KAT2B: variants seen among roughly 807,000 people sequenced by gnomAD.
The protein encoded by KAT2B is lysine acetyltransferase 2B, also known as histone acetyltransferase KAT2B.
KAT2B carries 36 observed loss-of-function variants against 105.9 expected under a neutral mutation model. That is an observed-to-expected ratio of 0.34 (90% CI 0.26 to 0.45). The LOEUF is 0.45. Among genes scored for constraint, KAT2B ranks in the 20% least tolerant of loss-of-function variants. KAT2B has a pLI of 1.00. For synonymous variants in KAT2B, 397 were observed against 377.9 expected (o/e 1.05, Z -0.59); for missense variants, 820 against 1,021.6 (o/e 0.80, Z 2.69).
rs771208264 is a variant in KAT2B at position 20,040,642 on chromosome 3, G to C, written c.165G>C (p.Ala55=). ...AAGGSGACGP[A]TAVAAAGTAE... ...GGGGCTCGGGCGCCTGCGGTCCGGC[G>C]ACGGCAGTGGCTGCAGCGGGCACGG... Residue 55 remains alanine (A), a synonymous_variant, in exon 1 of 18, where the codon GCG becomes GCC. Transcript: ENST00000263754. 7.6e-6 allele frequency: 11 copies of C among 1,439,744 alleles called. No homozygotes were observed. In the African/African-American group the frequency reaches 8.9e-5, roughly 12 times the overall value. 89.2% of individuals were successfully genotyped at this position (1,439,744 alleles called of 1,614,324 possible).
Position 20,152,414 on chromosome 3 carries a change from T to C in KAT2B, c.2388T>C (p.Phe796=), listed in dbSNP as rs757023652. The change falls in exon 18 of 18, where the codon TTT becomes TTC. Residue 796 remains phenylalanine, a synonymous_variant. Coordinates refer to ENST00000263754, the MANE Select transcript of KAT2B (RefSeq NM_003884.5). The part of the protein sequence containing the change: ...KLFMADLQRV[F]TNCKEYNPPE... ...TCATGGCAGACTTACAGCGAGTCTT[T>C]ACCAATTGCAAAGAGTACAACCCCC... The C allele has an allele frequency of 6.2e-7, 1 of 1,613,458 alleles. No homozygotes were observed. The highest frequency in any genetic ancestry group is 1.1e-5 in the South Asian group (1 of 91,060).
chr3:20,143,299 C>T (rs1010151199), intron 13 of KAT2B, among the ~76,000 whole-genome samples: 2 of 152,148 alleles, frequency 1.3e-5, no homozygotes, highest in Admixed American at 1.3e-4. Flanking sequence ...AAAATATCTC[C>T]TTTCTGAGAT....
rs988843203 is a variant in KAT2B, at chr3:20,062,131, T to A, written c.304-10202T>A. 3.1e-3 allele frequency among the ~76,000 whole-genome samples: 235 copies of A among 75,250 alleles called. 8 individuals carry two copies. The East Asian group carries it at 0.061, about 19-fold the overall frequency. The allele number at this position is 75,250 out of a possible 152,430, so 49.4% of individuals were successfully genotyped here. On this transcript the variant is annotated intron_variant, in intron 1 of 17. Coordinates refer to ENST00000263754, the MANE Select transcript of KAT2B (RefSeq NM_003884.5). ...ATATATTATATAAAACATATATATA[T>A]AAAATATATAATATATAAAAATATA...
At chr3:20,047,013 C>G (rs1011556716) in intron 1 of KAT2B, among the ~76,000 whole-genome samples, 3 of 152,046 alleles carry the variant, frequency 2.0e-5, no homozygotes, top group African/African-American at 7.2e-5. Flanking sequence ...GTTGAGAAAG[C>G]CTGTTTTAGA....
chr3:20,106,423 AAAC>A (rs1299469115), intron 5 of KAT2B, among the ~76,000 whole-genome samples: 8 of 148,826 alleles, frequency 5.4e-5, no homozygotes, highest in African/African-American at 1.8e-4. Context: ...CAATTTATTA[AAAC>A]AACACCAGAA....
At chr3:20,131,810 C>T (rs965940326) in intron 11 of KAT2B, among the ~76,000 whole-genome samples, 1 of 152,018 alleles carries the variant, frequency 6.6e-6, no homozygotes, top group African/African-American at 2.4e-5. Flanking sequence ...GAGATCCTCC[C>T]TCCTTGGCCC....
At chr3:20,040,850 C>A in intron 1 of KAT2B, 70 bp downstream of exon 1, 2 of 1,455,462 alleles carry the variant, frequency 1.4e-6, no homozygotes, top group Non-Finnish European at 9.0e-7. Context: ...CCCTCCCCCT[C>A]CCGCTTCCAC....
In KAT2B at chr3:20,083,950, G is replaced by A. The variant is rs929438317; in HGVS notation, c.431-11313G>A. ...ATAGGGAGGATGGAAGGTGGGGTTC[G>A]GGGAAGATTGGAGCTGGAGAAGAGG... is the stretch of plus-strand genomic sequence containing the variant. On this transcript the variant is annotated intron_variant, in intron 2 of 17. Coordinates refer to ENST00000263754, the MANE Select transcript of KAT2B (RefSeq NM_003884.5). Among the ~76,000 whole-genome samples the A allele has an allele frequency of 3.9e-5, 6 of 152,088 alleles. No homozygotes were observed. In the East Asian group the frequency reaches 1.2e-3, roughly 29 times the overall value.
intron 13 of KAT2B, among the ~76,000 whole-genome samples, chr3:20,145,678 G>A (rs1390368401): frequency 2.7e-5 from 4 of 150,124 alleles, no homozygotes; most frequent in African/African-American, 9.8e-5. Context: ...TTCTCAGTCA[G>A]TGTGATGGCT....
chr3:20,061,638 T>A (rs1046669207), intron 1 of KAT2B, among the ~76,000 whole-genome samples: 3 of 151,772 alleles, frequency 2.0e-5, no homozygotes, highest in African/African-American at 7.2e-5. Context: ...TCTCCAACAC[T>A]GTTTTCTGTT....
At chr3:20,057,654 A>G (rs1698023901) in intron 1 of KAT2B, among the ~76,000 whole-genome samples, 1 of 152,180 alleles carries the variant, frequency 6.6e-6, no homozygotes. Flanking sequence ...TCTTGGATTT[A>G]GCATTCCAGG....
chr3:20,043,217 T>A (rs1258380428), intron 1 of KAT2B, among the ~76,000 whole-genome samples: 3 of 152,156 alleles, frequency 2.0e-5, no homozygotes, highest in African/African-American at 7.2e-5. Flanking sequence ...AGTGTTCATT[T>A]TTATGTATCC....
intron 1 of KAT2B, among the ~76,000 whole-genome samples, chr3:20,048,726 T>C (rs2125164567): frequency 6.6e-6 from 1 of 152,318 alleles, no homozygotes; most frequent in Admixed American, 6.5e-5. Flanking sequence ...TGTCAACAGT[T>C]TCCTACTCTT....
At chr3:20,149,344 AAAT>A (rs72097262) in intron 17 of KAT2B, among the ~76,000 whole-genome samples, 2,038 of 151,904 alleles carry the variant, frequency 0.013, 34 homozygotes, top group African/African-American at 0.046. Context: ...AAAAAGTAAA[AAAT>A]TAGCCAGGTG....
intron 1 of KAT2B, among the ~76,000 whole-genome samples, chr3:20,041,941 T>C (rs887554323): frequency 6.6e-6 from 1 of 152,230 alleles, no homozygotes; most frequent in Admixed American, 6.5e-5. Flanking sequence ...CAATGGAATG[T>C]CTATGCTTGC....
At chr3:20,056,793 G>A (rs1698010735) in intron 1 of KAT2B, among the ~76,000 whole-genome samples, 1 of 152,166 alleles carries the variant, frequency 6.6e-6, no homozygotes, top group Admixed American at 6.5e-5. Flanking sequence ...CCACAGAGGA[G>A]TTCTAGGTTT....
At position 20,064,579 on chromosome 3, in the gene KAT2B, C is replaced by T. The variant is rs550471277; in HGVS notation, c.304-7754C>T. Among the ~76,000 whole-genome samples, 3 of 152,310 alleles carry T rather than the reference C, an allele frequency of 2.0e-5. No homozygotes were observed. The South Asian group carries it at 6.2e-4, about 32-fold the overall frequency. On this transcript the variant is annotated intron_variant, in intron 1 of 17. Transcript: ENST00000263754. ...GTGAATAAGAGTGAGTCCTTCCTCT[C>T]TCACAACCACAGTGCCAGTTACCTG...
intron 13 of KAT2B, among the ~76,000 whole-genome samples, chr3:20,145,579 T>TTTA: frequency 8.9e-6 from 1 of 112,942 alleles, no homozygotes. Context: ...TTTTTTTTTT[T>TTTA]ATTAAAGGGA....
chr3:20,070,241 G>A (rs1212302593), intron 1 of KAT2B, among the ~76,000 whole-genome samples: 1 of 151,962 alleles, frequency 6.6e-6, no homozygotes, highest in Admixed American at 6.6e-5. Flanking sequence ...TCATTCAAAG[G>A]CAGATTTTTC....
Sources: gnomAD v4.1 joint callset for allele counts (sites outside exome capture counted in the v4.1 genomes callset) on GRCh38, gnomAD v4.1.1 for gene constraint, MANE v1.5 for transcripts, NCBI Gene and HGNC (gene_info 2026-07-23, HGNC 2026-07-21) for gene names.